Variants in AHNAK observed in about 807,000 individuals in gnomAD.
AHNAK encodes the protein neuroblast differentiation-associated protein AHNAK.
Under a neutral mutation model 37.8 loss-of-function variants are expected in AHNAK, and 23 were observed. The ratio of observed to expected loss-of-function variants is 0.61; its 90% CI spans 0.44 to 0.86. The LOEUF is 0.86. Ranked by LOEUF, AHNAK falls within the 40% of genes least tolerant of loss-of-function variation. The pLI is 0.00. For synonymous variants in AHNAK, 2,481 were observed against 2,636.3 expected (o/e 0.94, Z 1.80); for missense variants, 7,411 against 7,319.4 (o/e 1.01, Z -0.46).
chr11:62,537,961 C>A (rs1404886410), intron 1 of AHNAK, among the ~76,000 whole-genome samples: 2 of 152,014 alleles, frequency 1.3e-5, no homozygotes, highest in Non-Finnish European at 2.9e-5. Flanking sequence ...GGATTACGGG[C>A]GTGACCACCG....
rs1225861201 is a variant in AHNAK, at chr11:62,523,021, T to C, written c.11396A>G (p.Asp3799Gly). The C allele has an allele frequency of 6.2e-7, 1 of 1,614,140 alleles. No homozygotes were observed. Among genetic ancestry groups the C allele is most frequent in the South Asian group, 1.1e-5 (1 of 91,076 alleles). ...CACCTTGGGCATCTTCAGGTGCCAG[T>C]CTGGGCCTTGAACATCAACATCTGG... ...NAPDVDVQGP[D>G]WHLKMPKVKM... Residue 3799 changes from aspartate (D) to glycine (G), a missense_variant, in exon 5 of 5, where the codon GAC becomes GGC. Asp to Gly is a moderately conservative substitution (Grantham distance 94). Transcript: ENST00000378024.
At chr11:62,540,126 C>T (rs931741520) in intron 1 of AHNAK, among the ~76,000 whole-genome samples, 12 of 152,204 alleles carry the variant, frequency 7.9e-5, no homozygotes, top group Admixed American at 7.2e-4. Context: ...GTCTTTGGAG[C>T]TTTGGGGAAT....
At chr11:62,486,406 G>C (rs1027530837) in intron 5 of AHNAK, among the ~76,000 whole-genome samples, 5 of 152,100 alleles carry the variant, frequency 3.3e-5, no homozygotes, top group Non-Finnish European at 7.4e-5. Context: ...CCAGGAGGCG[G>C]ACGTTGCGGT....
At chr11:62,540,143 C>T (rs1941078702) in intron 1 of AHNAK, among the ~76,000 whole-genome samples, 2 of 152,216 alleles carry the variant, frequency 1.3e-5, no homozygotes, top group Admixed American at 1.3e-4. Flanking sequence ...GAATTCTGCA[C>T]GATTCAGCCA....
chr11:62,490,990 G>A (rs1353052632), intron 5 of AHNAK, among the ~76,000 whole-genome samples: 1 of 151,978 alleles, frequency 6.6e-6, no homozygotes, highest in African/African-American at 2.4e-5. Context: ...GTTTCACTAT[G>A]TTGGCTAGGC....
At chr11:62,443,225 C>G (rs1351923123) in intron 5 of AHNAK, among the ~76,000 whole-genome samples, 2 of 151,190 alleles carry the variant, frequency 1.3e-5, no homozygotes, top group African/African-American at 4.9e-5. Context: ...ATCCACCTGC[C>G]TCGGCCTCCC....
At position 62,520,845 on chromosome 11, in the gene AHNAK, A is replaced by T. The variant is rs1216439322; in HGVS notation, c.13572T>A (p.Ile4524=). 1 of 1,614,132 alleles carries T rather than the reference A, an allele frequency of 6.2e-7. No individual in the cohort carries two copies. Among genetic ancestry groups the T allele is most frequent in the Non-Finnish European group, 8.5e-7 (1 of 1,180,036 alleles). ...FKSPQISMSD[I]DLNLKGPKIK... The stretch of plus-strand genomic sequence containing the variant: ...TCTTAGGTCCTTTCAAATTCAAATC[A>T]ATGTCACTCATGGAGATTTGTGGGC... The change falls in exon 5 of 5, where the codon ATT becomes ATA. Residue 4524 remains isoleucine, a synonymous_variant. Coordinates refer to ENST00000378024, the MANE Select transcript of AHNAK (RefSeq NM_001620.3).
At position 62,520,207 on chromosome 11, in the gene AHNAK, C is replaced by T; in HGVS notation, c.14210G>A (p.Gly4737Asp). The change falls in exon 5 of 5, where the codon GGC becomes GAC. Residue 4737 changes from glycine to aspartate, a missense_variant. Transcript: ENST00000378024. ...DLNLKGPKVK[G>D]DVDVTLPKVE... The stretch of plus-strand genomic sequence containing the variant: ...TTTAGGAAGGGTAACATCCACATCG[C>T]CCTTCACTTTGGGTCCTTTCAGGTT... 6.2e-7 allele frequency: 1 copy of T among 1,613,238 alleles called. No individual in the cohort carries two copies. The highest frequency in any genetic ancestry group is 8.5e-7 in the Non-Finnish European group (1 of 1,179,874).
chr11:62,533,031 A>G lies in AHNAK; in HGVS notation c.1386T>C (p.Val462=). The G allele has an allele frequency of 6.2e-7, 1 of 1,613,938 alleles. No individual in the cohort carries two copies. The change falls in exon 5 of 5, where the codon GTT becomes GTC. Residue 462 remains valine, a synonymous_variant. Coordinates refer to ENST00000378024, the MANE Select transcript of AHNAK (RefSeq NM_001620.3). ...GGCTGACATCCCCAGAGACCCCAGG[A>G]ACAGTCACTTCACCTGTAGGCAGTG... ...DVTLPTGEVT[V]PGVSGDVSLP... is the part of the protein sequence containing the mutation.
At chr11:62,461,943 C>A (rs1358111499) in intron 5 of AHNAK, among the ~76,000 whole-genome samples, 1 of 151,996 alleles carries the variant, frequency 6.6e-6, no homozygotes, top group Non-Finnish European at 1.5e-5. Flanking sequence ...CATGTGGAAT[C>A]CTTGGGGAAT....
At chr11:62,452,760 C>T (rs1590592753) in intron 5 of AHNAK, among the ~76,000 whole-genome samples, 1 of 152,008 alleles carries the variant, frequency 6.6e-6, no homozygotes, top group African/African-American at 2.4e-5. Context: ...GGTGGCTTAC[C>T]GCACCTGTAA....
rs1415876080 is a variant in AHNAK, at chr11:62,523,027, C to T, written c.11390G>A (p.Gly3797Asp). 10 of 1,614,034 alleles carry T rather than the reference C, an allele frequency of 6.2e-6. No individual in the cohort carries two copies. Among genetic ancestry groups the T allele is most frequent in the Non-Finnish European group, 8.5e-6 (10 of 1,180,016 alleles). The change falls in exon 5 of 5, where the codon GGC becomes GAC. Residue 3797 changes from glycine (G) to aspartate (D), a missense_variant. Coordinates refer to ENST00000378024, the MANE Select transcript of AHNAK (RefSeq NM_001620.3). ...DINAPDVDVQ[G>D]PDWHLKMPKV... is the part of the protein sequence containing the mutation. ...GGGCATCTTCAGGTGCCAGTCTGGG[C>T]CTTGAACATCAACATCTGGAGCATT...
At chr11:62,476,188 GA>G (rs1939141493) in intron 5 of AHNAK, among the ~76,000 whole-genome samples, 1 of 152,160 alleles carries the variant, frequency 6.6e-6, no homozygotes, top group South Asian at 2.1e-4. Context: ...AGGAGTTCGA[GA>G]TCAGCCTGGC....
chr11:62,479,167 C>CTTTTTTTTTTTTTTTTTTTTTTTT (rs33929407), intron 5 of AHNAK, among the ~76,000 whole-genome samples: 15 of 116,242 alleles, frequency 1.3e-4, no homozygotes, highest in East Asian at 2.5e-4. Context: ...TTTCTTTTTT[C>CTTTTTTTTTTTTTTTTTTTTTTTT]TTTTTTTTTT....
chr11:62,497,520 G>A (rs752229079), intron 4 of AHNAK, among the ~76,000 whole-genome samples: 5 of 152,124 alleles, frequency 3.3e-5, no homozygotes, highest in South Asian at 4.1e-4. Flanking sequence ...ACATGATTAC[G>A]CCCTTTATGT....
intron 5 of AHNAK, among the ~76,000 whole-genome samples, chr11:62,438,634 G>A (rs932029671): frequency 6.6e-6 from 1 of 151,908 alleles, no homozygotes; most frequent in Admixed American, 6.6e-5. Context: ...TTTTAATGGT[G>A]CCCTTGGATG....
At position 62,500,646 on chromosome 11, in the gene AHNAK, G is replaced by A. The variant is rs558687504; in HGVS notation, c.343-8815C>T. On this transcript the variant is annotated intron_variant, in intron 4 of 5. Coordinates refer to the AHNAK transcript ENST00000257247. ...CTCCCAGTTGATCATACCAGAAATC[G>A]AGCTATAGAACCGCCTCAACATCAT... 8.5e-5 allele frequency among the ~76,000 whole-genome samples: 13 copies of A among 152,226 alleles called. No homozygotes were observed. In the East Asian group the frequency reaches 1.5e-3, roughly 18 times the overall value.
At position 62,516,615 on chromosome 11, in the gene AHNAK, G is replaced by A; in HGVS notation, c.*129C>T. The A allele has an allele frequency of 6.7e-7, 1 of 1,486,894 alleles. No individual in the cohort carries two copies. The highest frequency in any genetic ancestry group is 2.4e-5 in the Admixed American group (1 of 41,888). The allele number at this position is 1,486,894 out of a possible 1,614,324, so 92.1% of individuals were successfully genotyped here. A position where few individuals can be genotyped will look rare whatever the true frequency, so the allele number is the denominator to read the frequency against. On this transcript the variant is annotated 3_prime_UTR_variant, in exon 5 of 5. Transcript: ENST00000378024. Reference sequence around the variant, plus strand: ...TCGGTTTTTCAGCGCTTGCCACCGGGCCAGGCAAGGTCTTTGCATGATTGC... The same window carrying A: ...TCGGTTTTTCAGCGCTTGCCACCGGACCAGGCAAGGTCTTTGCATGATTGC...
At chr11:62,479,979 T>G (rs1939232280) in intron 5 of AHNAK, among the ~76,000 whole-genome samples, 1 of 152,168 alleles carries the variant, frequency 6.6e-6, no homozygotes, top group African/African-American at 2.4e-5. Flanking sequence ...GAGGTCCCAG[T>G]GCTCCTTCTG....
Sources: gnomAD v4.1 joint callset for allele counts (sites outside exome capture counted in the v4.1 genomes callset) on GRCh38, gnomAD v4.1.1 for gene constraint, MANE v1.5 for transcripts, NCBI Gene and HGNC (gene_info 2026-07-23, HGNC 2026-07-21) for gene names.